Variants in SH3RF3 observed in about 807,000 individuals in gnomAD.
The protein encoded by SH3RF3 is E3 ubiquitin-protein ligase SH3RF3.
In SH3RF3, 29 loss-of-function variants were observed where a neutral mutation model predicts 66.3. The ratio of observed to expected loss-of-function variants is 0.44; its 90% CI spans 0.33 to 0.60. The LOEUF is 0.60. Among genes scored for constraint, SH3RF3 ranks in the 20% least tolerant of loss-of-function variants. SH3RF3 has a pLI of 0.04. For synonymous variants in SH3RF3, 583 were observed against 532.0 expected, an observed-to-expected ratio of 1.10 and a Z score of -1.32; for missense variants, 1,194 against 1,190.9, an observed-to-expected ratio of 1.00 and a Z score of -0.04.
chr2:109,135,729 A>G (rs1260644782), intron 1 of SH3RF3, among the ~76,000 whole-genome samples: 1 of 152,122 alleles, frequency 6.6e-6, no homozygotes, highest in African/African-American at 2.4e-5. Context: ...CAGTCAGTCC[A>G]TGTTGTGGAA....
chr2:109,364,260 A>G (rs1174293045), intron 2 of SH3RF3, among the ~76,000 whole-genome samples: 1 of 150,944 alleles, frequency 6.6e-6, no homozygotes, highest in African/African-American at 2.4e-5. Flanking sequence ...AACTGTGTCC[A>G]GTCTCCTAAT....
intron 6 of SH3RF3, among the ~76,000 whole-genome samples, chr2:109,436,425 C>T (rs1677400181): frequency 6.6e-6 from 1 of 152,182 alleles, no homozygotes; most frequent in Non-Finnish European, 1.5e-5. Flanking sequence ...GGATGTCGTG[C>T]TGTGTGTGCC....
chr2:109,296,725 G>A (rs1301244148), intron 1 of SH3RF3, among the ~76,000 whole-genome samples: 1 of 152,168 alleles, frequency 6.6e-6, no homozygotes, highest in Non-Finnish European at 1.5e-5. Context: ...TCCCCTGTGA[G>A]GTGAGGGGAG....
At chr2:109,130,769 A>T (rs1006940116) in intron 1 of SH3RF3, among the ~76,000 whole-genome samples, 1 of 151,904 alleles carries the variant, frequency 6.6e-6, no homozygotes, top group Non-Finnish European at 1.5e-5. Context: ...ATTTATATTT[A>T]TTATTATTAT....
At chr2:109,305,041 G>C (rs1681558632) in intron 1 of SH3RF3, among the ~76,000 whole-genome samples, 1 of 152,178 alleles carries the variant, frequency 6.6e-6, no homozygotes, top group African/African-American at 2.4e-5. Context: ...CCCCAGCCTG[G>C]GTTTGTTGCG....
chr2:109,481,953 A>G (rs1468793143), intron 8 of SH3RF3, among the ~76,000 whole-genome samples: 1 of 152,194 alleles, frequency 6.6e-6, no homozygotes, highest in Non-Finnish European at 1.5e-5. Context: ...GTGCTCCCCT[A>G]CAAAATGACT....
intron 1 of SH3RF3, among the ~76,000 whole-genome samples, chr2:109,212,768 C>G (rs556083017): frequency 3.0e-4 from 45 of 152,308 alleles, no homozygotes; most frequent in Admixed American, 8.5e-4. Context: ...CTCCCCCACC[C>G]GTCAGTTCCC....
chr2:109,472,744 A>G (rs1394147999), intron 8 of SH3RF3, among the ~76,000 whole-genome samples: 1 of 152,176 alleles, frequency 6.6e-6, no homozygotes, highest in Admixed American at 6.5e-5. Flanking sequence ...AATGCATTCC[A>G]TTTGATCTAA....
At chr2:109,320,765 G>A (rs1193266217) in intron 1 of SH3RF3, among the ~76,000 whole-genome samples, 2 of 152,202 alleles carry the variant, frequency 1.3e-5, no homozygotes, top group Non-Finnish European at 2.9e-5. Flanking sequence ...TTTCTGCTGG[G>A]AGAAAATAAA....
chr2:109,215,931 A>G (rs971135194), intron 1 of SH3RF3, among the ~76,000 whole-genome samples: 1 of 152,188 alleles, frequency 6.6e-6, no homozygotes, highest in Non-Finnish European at 1.5e-5. Flanking sequence ...CTGGGCTTCT[A>G]CCGTGCCAGC....
chr2:109,297,420 G>C (rs920201274), intron 1 of SH3RF3, among the ~76,000 whole-genome samples: 3 of 152,098 alleles, frequency 2.0e-5, no homozygotes, highest in Admixed American at 6.5e-5. Flanking sequence ...GCCTGCAAGA[G>C]GCCTGTGTAC....
chr2:109,164,699 C>G (rs1677574773), intron 1 of SH3RF3, among the ~76,000 whole-genome samples: 1 of 152,140 alleles, frequency 6.6e-6, no homozygotes, highest in African/African-American at 2.4e-5. Flanking sequence ...TGTAAATACT[C>G]CCATCATGAT....
chr2:109,243,825 C>A (rs558824250), intron 1 of SH3RF3, among the ~76,000 whole-genome samples: 1 of 152,280 alleles, frequency 6.6e-6, no homozygotes, highest in East Asian at 1.9e-4. Context: ...CATTGAAAGG[C>A]TGTAATCAGG....
chr2:109,299,803 G>C (rs1022896960), intron 1 of SH3RF3, among the ~76,000 whole-genome samples: 1 of 152,120 alleles, frequency 6.6e-6, no homozygotes, highest in Non-Finnish European at 1.5e-5. Flanking sequence ...GTGTGGGCTC[G>C]TTTATTTATT....
intron 1 of SH3RF3, among the ~76,000 whole-genome samples, chr2:109,267,232 A>G (rs985303486): frequency 6.6e-6 from 1 of 152,112 alleles, no homozygotes. Flanking sequence ...CTGAATAGGA[A>G]GTGCATGTAA....
At chr2:109,326,514 C>T (rs537436112) in intron 1 of SH3RF3, among the ~76,000 whole-genome samples, 38 of 152,142 alleles carry the variant, frequency 2.5e-4, no homozygotes, top group Non-Finnish European at 5.0e-4. Flanking sequence ...CTTGCTGTTG[C>T]CAGACTTTTA....
chr2:109,249,532 T>TTTCTTTCCTTCCTTCC (rs1680019798), intron 1 of SH3RF3, among the ~76,000 whole-genome samples: 3 of 96,450 alleles, frequency 3.1e-5, no homozygotes, highest in Non-Finnish European at 6.1e-5. Context: ...TCTTTCTTTC[T>TTTCTTTCCTTCCTTCC]TTCCTTCCTT....
intron 1 of SH3RF3, among the ~76,000 whole-genome samples, chr2:109,215,941 C>T (rs950706419): frequency 2.0e-5 from 3 of 152,210 alleles, no homozygotes; most frequent in South Asian, 2.1e-4. Flanking sequence ...ACCGTGCCAG[C>T]GGCCACGTGA....
intron 5 of SH3RF3, 119 bp downstream of exon 5, chr2:109,419,761 T>G (rs1015989235): frequency 3.7e-5 from 33 of 893,976 alleles, no homozygotes; most frequent in Non-Finnish European, 4.5e-5. Context: ...TTGGCCAGTA[T>G]AGTTATGTGC....
Sources: gnomAD v4.1 joint callset for allele counts (sites outside exome capture counted in the v4.1 genomes callset) on GRCh38, gnomAD v4.1.1 for gene constraint, MANE v1.5 for transcripts, NCBI Gene and HGNC (gene_info 2026-07-23, HGNC 2026-07-21) for gene names.